The following CEP85L variants were observed in gnomAD, a reference collection of about 807,000 sequenced individuals.
CEP85L encodes the protein centrosomal protein of 85 kDa-like.
Under a neutral mutation model 100.3 loss-of-function variants are expected in CEP85L, and 60 were observed. The ratio of observed to expected loss-of-function variants is 0.60; its 90% CI spans 0.49 to 0.74. CEP85L has a LOEUF of 0.74. CEP85L is among the 30% of genes least tolerant of loss of function. The probability of loss-of-function intolerance (pLI) is 0.00; values close to 1 mark genes in which losing one functional copy is unlikely to be tolerated. For missense variants in CEP85L, 973 were observed against 936.2 expected, an observed-to-expected ratio of 1.04 and a Z score of -0.51; for synonymous variants, 319 against 322.7, an observed-to-expected ratio of 0.99 and a Z score of 0.12.
intron 2 of CEP85L, among the ~76,000 whole-genome samples, chr6:118,613,901 T>A (rs1208188693): frequency 6.6e-6 from 1 of 152,034 alleles, no homozygotes; most frequent in African/African-American, 2.4e-5. Context: ...GGTATTATAG[T>A]ATTAACCCTG....
intron 11 of CEP85L, among the ~76,000 whole-genome samples, chr6:118,469,716 C>A (rs1472970988): frequency 6.6e-6 from 1 of 152,132 alleles, no homozygotes; most frequent in Non-Finnish European, 1.5e-5. Context: ...ATCCTCCCAC[C>A]TCAGCCTCCT....
intron 5 of CEP85L, chr6:118,502,824 A>G: frequency 1.6e-6 from 1 of 631,444 alleles, no homozygotes; most frequent in Non-Finnish European, 3.0e-6. Context: ...GGAGTTCAAA[A>G]AGCAATGGGG....
chr6:118,631,132 T>C (rs1049565810), intron 2 of CEP85L, among the ~76,000 whole-genome samples: 1 of 152,182 alleles, frequency 6.6e-6, no homozygotes, highest in Non-Finnish European at 1.5e-5. Flanking sequence ...TAGTAGGAGA[T>C]AATGACATTG....
rs953222735 is a variant in CEP85L, at chr6:118,523,854, T to C, written c.1087A>G (p.Met363Val). ...AGAAGTCCTTCTTTTATTTTCAACA[T>C]TGATTCCCACTTACTGAAATCCTGA... ...GYQDFSKWES[M>V]LKIKEGLLRQ... The change falls in exon 4 of 13, where the codon ATG becomes GTG. Residue 363 changes from methionine (M) to valine (V), a missense_variant. This residue lies in a region of CEP85L where 890 missense variants were observed against 844.5 expected (regional missense o/e 1.05). Coordinates refer to ENST00000368491, the MANE Select transcript of CEP85L (RefSeq NM_001042475.3). 33 of 1,609,240 alleles carry C rather than the reference T, an allele frequency of 2.1e-5. No homozygotes were observed. The highest frequency in any genetic ancestry group is 2.6e-5 in the Non-Finnish European group (31 of 1,176,164).
intron 2 of CEP85L, among the ~76,000 whole-genome samples, chr6:118,599,202 TGAAATGATTGATTC>T (rs1781600858): frequency 6.6e-6 from 1 of 152,014 alleles, no homozygotes; most frequent in East Asian, 1.9e-4. Flanking sequence ...AGCTCATTGG[TGAAATGATTGATTC>T]AAGGGCTAAG....
intron 1 of CEP85L, among the ~76,000 whole-genome samples, chr6:118,675,478 A>T (rs891714431): frequency 1.3e-5 from 2 of 152,124 alleles, no homozygotes; most frequent in African/African-American, 4.8e-5. Flanking sequence ...TGTGCACTTT[A>T]AAAGTGTAAA....
chr6:118,545,413 C>T (rs551230649), intron 3 of CEP85L, among the ~76,000 whole-genome samples: 19 of 152,072 alleles, frequency 1.2e-4, no homozygotes, highest in Non-Finnish European at 2.4e-4. Context: ...TATGGTGAAA[C>T]CCCATCTCTA....
chr6:118,685,987 C>A (rs1776816346), intron 1 of CEP85L, among the ~76,000 whole-genome samples: 1 of 152,090 alleles, frequency 6.6e-6, no homozygotes, highest in East Asian at 1.9e-4. Flanking sequence ...TGTGTATGAT[C>A]TCCCCAGAGG....
Position 118,516,346 on chromosome 6 carries a change from T to C in CEP85L, c.1140-4931A>G, listed in dbSNP as rs541600622. ...TTGCCACACTGTCTTCCACAATGGT[T>C]GAACTAATTTACACTCCCACCAACA... On this transcript the variant is annotated intron_variant, in intron 4 of 12. Coordinates refer to ENST00000368491, the MANE Select transcript of CEP85L (RefSeq NM_001042475.3). Among the ~76,000 whole-genome samples the C allele has an allele frequency of 4.7e-3, 719 of 152,328 alleles. 2 individuals carry two copies. Among genetic ancestry groups the C allele is most frequent in the Non-Finnish European group, 6.5e-3 (445 of 68,022 alleles).
upstream of CEP85L, among the ~76,000 whole-genome samples, chr6:118,654,722 T>C (rs1196953924): frequency 6.6e-6 from 1 of 152,234 alleles, no homozygotes; most frequent in Non-Finnish European, 1.5e-5. Context: ...ATAGGTTACT[T>C]AACCTGTGCC....
At chr6:118,516,629 G>A (rs1166903403) in intron 4 of CEP85L, among the ~76,000 whole-genome samples, 2 of 152,066 alleles carry the variant, frequency 1.3e-5, no homozygotes, top group South Asian at 2.1e-4. Flanking sequence ...TTAAGTTATT[G>A]TAGATTCTGG....
intron 6 of CEP85L, among the ~76,000 whole-genome samples, chr6:118,489,637 G>T (rs1774418306): frequency 6.6e-6 from 1 of 151,986 alleles, no homozygotes; most frequent in Non-Finnish European, 1.5e-5. Flanking sequence ...CTTGAAAAAA[G>T]AAAATAACAA....
At chr6:118,583,393 C>T (rs1780682602) in intron 2 of CEP85L, among the ~76,000 whole-genome samples, 1 of 152,168 alleles carries the variant, frequency 6.6e-6, no homozygotes, top group African/African-American at 2.4e-5. Context: ...AAACTCTAAC[C>T]CAATATTTTT....
At chr6:118,697,306 C>T (rs1422569118) in intron 1 of CEP85L, among the ~76,000 whole-genome samples, 1 of 152,208 alleles carries the variant, frequency 6.6e-6, no homozygotes, top group East Asian at 1.9e-4. Context: ...CAAATGTCTT[C>T]GTATGATAGT....
At chr6:118,518,478 A>G (rs774674691) in intron 4 of CEP85L, among the ~76,000 whole-genome samples, 6 of 152,156 alleles carry the variant, frequency 3.9e-5, no homozygotes, top group Non-Finnish European at 8.8e-5. Flanking sequence ...CGTGTCCAGG[A>G]ATTTATCCAT....
intron 5 of CEP85L, among the ~76,000 whole-genome samples, chr6:118,510,731 T>C (rs1775918450): frequency 6.6e-6 from 1 of 152,154 alleles, no homozygotes; most frequent in South Asian, 2.1e-4. Context: ...CAAGAATATC[T>C]GCATATGAGC....
At chr6:118,605,334 A>T (rs994075761) in intron 2 of CEP85L, among the ~76,000 whole-genome samples, 7 of 152,310 alleles carry the variant, frequency 4.6e-5, no homozygotes, top group Middle Eastern at 6.8e-3. Context: ...CTCATCTCCC[A>T]GTGGGGGGTG....
chr6:118,489,780 T>C (rs1363190259), intron 6 of CEP85L, among the ~76,000 whole-genome samples: 1 of 152,192 alleles, frequency 6.6e-6, no homozygotes. Flanking sequence ...GCAATCCTAC[T>C]TCTGGATATT....
intron 3 of CEP85L, among the ~76,000 whole-genome samples, chr6:118,525,849 C>A (rs913786412): frequency 1.2e-4 from 18 of 152,188 alleles, no homozygotes; most frequent in Non-Finnish European, 1.6e-4. Context: ...ATAAACACCA[C>A]AAAGCAACTT....
Sources: allele counts gnomAD v4.1 joint callset (sites outside exome capture counted in the v4.1 genomes callset), GRCh38; gene constraint gnomAD v4.1.1; regional missense constraint gnomAD v4.1.1; transcripts MANE v1.5; gene names NCBI Gene and HGNC (gene_info 2026-07-23, HGNC 2026-07-21).